The following PCDH15 variants were observed in gnomAD, a reference collection of about 807,000 sequenced individuals.
The protein encoded by PCDH15 is protocadherin-15.
PCDH15 carries 129 observed loss-of-function variants against 178.5 expected under a neutral mutation model. That is an observed-to-expected ratio of 0.72 (90% CI 0.63 to 0.84). The LOEUF (loss-of-function observed/expected upper bound fraction) is 0.84. Ranked by LOEUF, PCDH15 falls within the 40% of genes least tolerant of loss-of-function variation. PCDH15 has a pLI of 0.00. For synonymous variants in PCDH15, 800 were observed against 732.0 expected, an observed-to-expected ratio of 1.09 and a Z score of -1.50; for missense variants, 2,230 against 2,099.9, an observed-to-expected ratio of 1.06 and a Z score of -1.21.
chr10:54,684,734 C>T (rs2094962212), intron 1 of PCDH15, among the ~76,000 whole-genome samples: 1 of 151,884 alleles, frequency 6.6e-6, no homozygotes, highest in African/African-American at 2.4e-5. Context: ...AAAGTTTGAC[C>T]TTTTTACAGA....
chr10:54,020,785 A>G (rs2092898464), intron 19 of PCDH15, among the ~76,000 whole-genome samples: 1 of 152,064 alleles, frequency 6.6e-6, no homozygotes, highest in South Asian at 2.1e-4. Context: ...ATTGTCTTAA[A>G]TGACTGTTTC....
At chr10:55,078,561 T>G (rs1471797382) in intron 2 of PCDH15, among the ~76,000 whole-genome samples, 1 of 152,172 alleles carries the variant, frequency 6.6e-6, no homozygotes, top group Non-Finnish European at 1.5e-5. Context: ...ATACCTGTCT[T>G]CAAGTTCTGT....
intron 23 of PCDH15, among the ~76,000 whole-genome samples, chr10:53,943,204 T>C (rs926014165): frequency 6.6e-6 from 1 of 152,054 alleles, no homozygotes; most frequent in African/African-American, 2.4e-5. Context: ...AAATGCTATG[T>C]CGGGCCGGGC....
chr10:54,171,240 G>A (rs1457270010), intron 13 of PCDH15, among the ~76,000 whole-genome samples: 6 of 151,862 alleles, frequency 4.0e-5, no homozygotes, highest in Admixed American at 6.6e-5. Flanking sequence ...TATCCCTTAC[G>A]GTCCTCCGTC....
At chr10:55,474,113 A>G (rs1032373294) in intron 2 of PCDH15, among the ~76,000 whole-genome samples, 5 of 152,176 alleles carry the variant, frequency 3.3e-5, no homozygotes, top group Non-Finnish European at 7.4e-5. Context: ...GAATATTACC[A>G]ATTTTCTACA....
At chr10:55,393,803 A>G (rs564905313) in intron 2 of PCDH15, among the ~76,000 whole-genome samples, 1 of 152,268 alleles carries the variant, frequency 6.6e-6, no homozygotes, top group African/African-American at 2.4e-5. Context: ...AACCAGGTTC[A>G]GCAACTCATA....
Position 55,477,253 on chromosome 10 carries a change from C to T in PCDH15, c.-156+150372G>A, listed in dbSNP as rs143491706. 2.6e-3 allele frequency among the ~76,000 whole-genome samples: 396 copies of T among 151,804 alleles called. 4 individuals are homozygous for T. The highest frequency in any genetic ancestry group is 3.2e-3 in the Non-Finnish European group (219 of 67,820). The stretch of plus-strand genomic sequence containing the variant: ...TTGGTTGTAAAAGAGACATGAAGGA[C>T]AGAAGTTGAGTATGGTATGGCTTGA... On this transcript the variant is annotated intron_variant, in intron 2 of 5. Coordinates refer to the PCDH15 transcript ENST00000613346.
chr10:53,903,467 T>G, intron 25 of PCDH15, 97 bp from the exon 26 acceptor site: 2 of 1,457,398 alleles, frequency 1.4e-6, no homozygotes, highest in Non-Finnish European at 1.9e-6. Context: ...TTTGGAAACA[T>G]TGAAAATAAA....
intron 2 of PCDH15, among the ~76,000 whole-genome samples, chr10:54,612,525 A>T (rs116416515): frequency 0.013 from 1,926 of 151,860 alleles, 44 homozygotes; most frequent in African/African-American, 0.044. Flanking sequence ...AATGACACTT[A>T]CTTAGAGATA....
chr10:55,031,837 AC>A (rs1380094603), intron 2 of PCDH15, among the ~76,000 whole-genome samples: 2 of 151,824 alleles, frequency 1.3e-5, no homozygotes, highest in East Asian at 3.9e-4. Flanking sequence ...GGACTTTCCA[AC>A]CCCCAGAGCT....
At chr10:54,244,627 T>C (rs1020618121) in intron 8 of PCDH15, among the ~76,000 whole-genome samples, 11 of 152,230 alleles carry the variant, frequency 7.2e-5, no homozygotes, top group Middle Eastern at 3.2e-3. Context: ...GTAAGGAGGA[T>C]ACATAGATCA....
At chr10:54,667,071 A>T (rs2094583919) in intron 1 of PCDH15, among the ~76,000 whole-genome samples, 1 of 152,088 alleles carries the variant, frequency 6.6e-6, no homozygotes, top group Admixed American at 6.6e-5. Flanking sequence ...ACTCATAAAA[A>T]ATCTATTTAG....
chr10:53,909,979 G>A (rs1282271080), intron 25 of PCDH15, among the ~76,000 whole-genome samples: 1 of 152,188 alleles, frequency 6.6e-6, no homozygotes, highest in African/African-American at 2.4e-5. Flanking sequence ...GCTGCTGCTT[G>A]AGTAGGTAAA....
At chr10:53,990,557 A>G (rs1011027394) in intron 21 of PCDH15, among the ~76,000 whole-genome samples, 1 of 137,688 alleles carries the variant, frequency 7.3e-6, no homozygotes. Context: ...TTATATATAT[A>G]AAGAACATAT....
chr10:55,526,750 T>A (rs768446001), intron 2 of PCDH15, among the ~76,000 whole-genome samples: 27 of 152,038 alleles, frequency 1.8e-4, no homozygotes, highest in Non-Finnish European at 2.4e-4. Context: ...ATTTTCAAAC[T>A]TGCCATTTCC....
intron 8 of PCDH15, among the ~76,000 whole-genome samples, chr10:54,313,867 A>G (rs2061058887): frequency 6.6e-6 from 1 of 152,036 alleles, no homozygotes; most frequent in Non-Finnish European, 1.5e-5. Flanking sequence ...AGGAAGGTCA[A>G]TGATTCTTTG....
chr10:55,415,098 AT>A (rs1838444785), intron 2 of PCDH15, among the ~76,000 whole-genome samples: 1 of 151,678 alleles, frequency 6.6e-6, no homozygotes, highest in South Asian at 2.1e-4. Flanking sequence ...TTTGTGCCTA[AT>A]TTAACAAGAG....
intron 23 of PCDH15, among the ~76,000 whole-genome samples, chr10:53,948,757 C>A (rs1201333725): frequency 6.6e-6 from 1 of 152,136 alleles, no homozygotes; most frequent in East Asian, 1.9e-4. Context: ...TCAATGTCTT[C>A]AAATTTCTCT....
At chr10:54,931,953 T>G (rs549102452) in intron 2 of PCDH15, among the ~76,000 whole-genome samples, 18 of 152,322 alleles carry the variant, frequency 1.2e-4, no homozygotes, top group African/African-American at 4.3e-4. Flanking sequence ...AAGACCACTC[T>G]GCTTTCACAC....
Sources: gnomAD v4.1 joint callset for allele counts (sites outside exome capture counted in the v4.1 genomes callset) on GRCh38, gnomAD v4.1.1 for gene constraint, MANE v1.5 for transcripts, NCBI Gene and HGNC (gene_info 2026-07-23, HGNC 2026-07-21) for gene names.